Variants in PBX1 observed in about 807,000 individuals in gnomAD.
PBX1 encodes PBX homeobox 1.
A neutral mutation model predicts 53.4 loss-of-function variants in PBX1; 6 were observed. The ratio of observed to expected loss-of-function variants is 0.11; its 90% CI spans 0.06 to 0.22. The LOEUF is 0.22. Ranked by LOEUF, PBX1 falls within the 10% of genes least tolerant of loss-of-function variation. PBX1 has a pLI of 1.00. For synonymous variants in PBX1, 204 were observed against 212.3 expected (o/e 0.96, Z 0.34); for missense variants, 251 against 551.4 (o/e 0.46, Z 5.46).
chr1:164,631,286 C>CTTT (rs987731570), intron 2 of PBX1, among the ~76,000 whole-genome samples: 1 of 140,480 alleles, frequency 7.1e-6, no homozygotes. Flanking sequence ...TTTTTTTTTT[C>CTTT]TTTTTTTTTT....
intron 2 of PBX1, among the ~76,000 whole-genome samples, chr1:164,720,236 ATACTTCTG>A (rs1282193644): frequency 3.9e-5 from 6 of 152,156 alleles, no homozygotes; most frequent in African/African-American, 1.4e-4. Flanking sequence ...ATTGTTCTGC[ATACTTCTG>A]TATTTTATTT....
Position 164,848,844 on chromosome 1 carries a change from G to A in PBX1, c.*2168G>A. 9.4e-7 allele frequency: 1 copy of A among 1,065,174 alleles called. No homozygotes were observed. Among genetic ancestry groups the A allele is most frequent in the Non-Finnish European group, 1.1e-6 (1 of 879,346 alleles). 66.0% of individuals were successfully genotyped at this position (1,065,174 alleles called of 1,614,324 possible). The stretch of plus-strand genomic sequence containing the variant: ...AATAGAAAACACTGTGTGTGCTCAG[G>A]GGAGCAGGGGATGCCACTGAAGAAA... On this transcript the variant is annotated 3_prime_UTR_variant, in exon 9 of 9. Coordinates refer to ENST00000420696, the MANE Select transcript of PBX1 (RefSeq NM_002585.4).
At chr1:164,574,410 T>A (rs780107359) in intron 2 of PBX1, among the ~76,000 whole-genome samples, 12 of 152,158 alleles carry the variant, frequency 7.9e-5, no homozygotes, top group Non-Finnish European at 1.6e-4. Flanking sequence ...ATGGAATGGG[T>A]GACTCTAGAG....
At chr1:164,811,626 C>T (rs565033437) in intron 5 of PBX1, among the ~76,000 whole-genome samples, 9 of 152,274 alleles carry the variant, frequency 5.9e-5, no homozygotes, top group South Asian at 2.1e-4. Context: ...CATTGATAAA[C>T]GCTAGGGGCA....
In PBX1 at chr1:164,747,651, C is replaced by T. The variant is rs141741317; in HGVS notation, c.266-44843C>T. On this transcript the variant is annotated intron_variant, in intron 2 of 8. Coordinates refer to ENST00000420696, the MANE Select transcript of PBX1 (RefSeq NM_002585.4). ...AGTGAGTAAAGCAGGATTTTGCTTG[C>T]TGTCTCTTCTTAGGCTCAGGGTTAG... Among the ~76,000 whole-genome samples the T allele has an allele frequency of 1.3e-3, 202 of 152,252 alleles. 1 individual carries two copies. The highest frequency in any genetic ancestry group is 4.7e-3 in the African/African-American group (195 of 41,550).
intron 2 of PBX1, among the ~76,000 whole-genome samples, chr1:164,681,020 T>G (rs952498684): frequency 1.1e-4 from 16 of 152,266 alleles, no homozygotes; most frequent in African/African-American, 3.9e-4. Context: ...TCCCAGCACT[T>G]TGGGAGGCCA....
At chr1:164,796,838 A>C (rs191357123) in intron 3 of PBX1, among the ~76,000 whole-genome samples, 2 of 152,218 alleles carry the variant, frequency 1.3e-5, no homozygotes, top group Admixed American at 1.3e-4. Context: ...AACATTCAGC[A>C]TGTGAGGGTT....
chr1:164,713,376 A>C (rs1318636756), intron 2 of PBX1, among the ~76,000 whole-genome samples: 1 of 152,242 alleles, frequency 6.6e-6, no homozygotes, highest in Non-Finnish European at 1.5e-5. Context: ...AAAACAGGTA[A>C]GTTTCCAATG....
At chr1:164,828,022 C>G (rs534613294) in intron 8 of PBX1, among the ~76,000 whole-genome samples, 1 of 152,154 alleles carries the variant, frequency 6.6e-6, no homozygotes, top group South Asian at 2.1e-4. Flanking sequence ...ACTCTATAGC[C>G]TAGGAGGGAA....
intron 8 of PBX1, among the ~76,000 whole-genome samples, chr1:164,822,448 C>A (rs1404881537): frequency 6.6e-6 from 1 of 152,016 alleles, no homozygotes; most frequent in Non-Finnish European, 1.5e-5. Context: ...GGGTAGTGAT[C>A]ATTTTTTATT....
chr1:164,590,285 G>A, intron 2 of PBX1: 1 of 452,426 alleles, frequency 2.2e-6, no homozygotes, highest in South Asian at 1.6e-5. Flanking sequence ...AAAGGGAGGA[G>A]CCAAAAGGGG....
chr1:164,588,838 C>A (rs1313855241), intron 2 of PBX1, among the ~76,000 whole-genome samples: 1 of 152,188 alleles, frequency 6.6e-6, no homozygotes, highest in Non-Finnish European at 1.5e-5. Context: ...CCTCCGCCCC[C>A]ACCATGCCCT....
At chr1:164,594,615 T>A (rs1469951799) in intron 2 of PBX1, among the ~76,000 whole-genome samples, 1 of 152,240 alleles carries the variant, frequency 6.6e-6, no homozygotes, top group East Asian at 1.9e-4. Context: ...GTAGAAAATT[T>A]AAAATTTTTA....
At chr1:164,881,978 A>G (rs1247332576) in intron 2 of PBX1, among the ~76,000 whole-genome samples, 1 of 152,194 alleles carries the variant, frequency 6.6e-6, no homozygotes, top group Non-Finnish European at 1.5e-5. Flanking sequence ...TCCTGGTTTC[A>G]TCTTTTTCCC....
rs373185531 is a variant in PBX1, at chr1:164,569,744, A to G, written c.265+6433A>G. Among the ~76,000 whole-genome samples the G allele has an allele frequency of 3.3e-4, 50 of 151,986 alleles. No individual in the cohort carries two copies. The East Asian group carries it at 8.2e-3, about 25-fold the overall frequency. ...CACCAGCTAAATTTTGTGTTTTACT[A>G]GAGACGAGGTTTCGCCCTGTTGGCC... On this transcript the variant is annotated intron_variant, in intron 2 of 8. Transcript: ENST00000420696.
chr1:164,774,553 C>G (rs573439941), intron 2 of PBX1: 5 of 152,320 alleles, frequency 3.3e-5, no homozygotes, highest in Non-Finnish European at 7.3e-5. Flanking sequence ...GGGCTGTGTA[C>G]TACAGACAAT....
chr1:164,770,564 C>CAAT (rs1667314668), intron 2 of PBX1: 1 of 152,196 alleles, frequency 6.6e-6, no homozygotes, highest in African/African-American at 2.4e-5. Context: ...CCTTAAGGAT[C>CAAT]TTCTCCTATA....
chr1:164,884,506 G>T, intron 2 of PBX1: 1 of 492,298 alleles, frequency 2.0e-6, no homozygotes, highest in Non-Finnish European at 4.0e-6. Context: ...GGGTGTTAAA[G>T]TTGTGAGTTA....
chr1:164,564,070 CTTGT>C (rs1653257173), intron 2 of PBX1: 2 of 152,122 alleles, frequency 1.3e-5, no homozygotes, highest in African/African-American at 4.8e-5. Flanking sequence ...GCGACATCCC[CTTGT>C]TTATTTTAAT....
Sources: gnomAD v4.1 joint callset for allele counts (sites outside exome capture counted in the v4.1 genomes callset) on GRCh38, gnomAD v4.1.1 for gene constraint, MANE v1.5 for transcripts, NCBI Gene and HGNC (gene_info 2026-07-23, HGNC 2026-07-21) for gene names.